The following IRX4 variants were observed in gnomAD, a reference collection of about 807,000 sequenced individuals.
IRX4 encodes iroquois homeobox 4.
In IRX4, 22 loss-of-function variants were observed where a neutral mutation model predicts 32.0. That is an observed-to-expected ratio of 0.69 (90% CI 0.49 to 0.98). The LOEUF is 0.98. Among genes scored for constraint, IRX4 ranks in the 50% least tolerant of loss-of-function variants. The pLI, the probability that IRX4 is intolerant of heterozygous loss-of-function variation, is 0.00. For synonymous variants in IRX4, 379 were observed against 351.7 expected (o/e 1.08, Z -0.87); for missense variants, 840 against 744.2 (o/e 1.13, Z -1.50).
chr5:1,885,009 C>A (rs1735583069), upstream of IRX4, among the ~76,000 whole-genome samples: 1 of 152,238 alleles, frequency 6.6e-6, no homozygotes, highest in African/African-American at 2.4e-5. Context: ...GGAGTAGAGA[C>A]CCCCAGAGGG....
rs538375522 is a variant in IRX4 at position 1,881,971 on chromosome 5, G to C, written c.134C>G (p.Ala45Gly). The C allele has an allele frequency of 1.6e-4, 242 of 1,555,838 alleles. 4 individuals are homozygous for C. In the South Asian group the frequency reaches 2.6e-3, roughly 17 times the overall value. Residue 45 changes from alanine (A) to glycine (G), a missense_variant, in exon 2 of 5, where the codon GCG becomes GGG. Ala to Gly is a moderately conservative substitution (Grantham distance 60). This residue lies in a region of IRX4 where 241 missense variants were observed against 220.8 expected (regional missense o/e 1.09). Transcript: ENST00000231357. ...ADSGPAASAQAPVYCPVYESR... is the reference protein window; with the variant it reads ...ADSGPAASAQGPVYCPVYESR... Reference sequence around the variant, plus strand: ...CTCGTAGACCGGGCAGTAGACCGGCGCCTGGGCCGAGGCGGCGGGCCCGGA... The same window carrying C: ...CTCGTAGACCGGGCAGTAGACCGGCCCCTGGGCCGAGGCGGCGGGCCCGGA...
chr5:1,881,880 A>C lies in IRX4; in HGVS notation c.225T>G (p.Gly75=). 2 of 1,584,854 alleles carry C rather than the reference A, an allele frequency of 1.3e-6. No individual in the cohort carries two copies. Among genetic ancestry groups the C allele is most frequent in the Non-Finnish European group, 8.6e-7 (1 of 1,166,216 alleles). ...CATAGCCCTGCGATCCGCCATAGGG[A>C]CCCCCATAGACGCCCAGCGCCGCGG... ...NSAAALGVYG[G]PYGGSQGYGN... Residue 75 remains glycine (G), a synonymous_variant, in exon 2 of 5, where the codon GGT becomes GGG. Coordinates refer to ENST00000231357, the MANE Select transcript of IRX4 (RefSeq NM_016358.3).
chr5:1,883,875 C>T (rs942955184), upstream of IRX4: 1 of 152,264 alleles, frequency 6.6e-6, no homozygotes, highest in African/African-American at 2.4e-5. Context: ...GCCCCGGCCC[C>T]TCCCGCTAAG....
upstream of IRX4, chr5:1,887,134 G>C (rs1351291567): frequency 6.6e-6 from 1 of 151,598 alleles, no homozygotes; most frequent in Non-Finnish European, 1.5e-5. Context: ...GCGCTCCAGC[G>C]GGGAGCCGGC....
chr5:1,877,785 G>A lies in IRX4; in HGVS notation c.*184C>T. ...CGGTCAGGCTCAGGCCCAGGCGGTG[G>A]AGGCCCCGGCGTGGCAGCGCCGGGC... On this transcript the variant is annotated 3_prime_UTR_variant, in exon 5 of 5. Coordinates refer to ENST00000231357, the MANE Select transcript of IRX4 (RefSeq NM_016358.3). 1 of 600,158 alleles carries A rather than the reference G, an allele frequency of 1.7e-6. No individual in the cohort carries two copies. The highest frequency in any genetic ancestry group is 2.8e-6 in the Non-Finnish European group (1 of 360,546). The allele number at this position is 600,158 out of a possible 1,614,324, so 37.2% of individuals were successfully genotyped here.
At chr5:1,880,212 T>C in intron 3 of IRX4, 6 of 1,266,212 alleles carry the variant, frequency 4.7e-6, no homozygotes, top group South Asian at 1.3e-5. Flanking sequence ...GCAGGAAGGG[T>C]CATTACTGCC....
chr5:1,879,945 C>T, intron 3 of IRX4, 113 bp from the exon 4 acceptor site: 2 of 1,527,060 alleles, frequency 1.3e-6, no homozygotes, highest in Non-Finnish European at 1.8e-6. Flanking sequence ...GCTTCCCCGT[C>T]GTGGGGTTGT....
chr5:1,877,760 C>G lies in IRX4; in HGVS notation c.*209G>C, dbSNP rs1320183774. On this transcript the variant is annotated 3_prime_UTR_variant, in exon 5 of 5. Coordinates refer to ENST00000231357, the MANE Select transcript of IRX4 (RefSeq NM_016358.3). ...CCGCGTCCCAAATTTGGGAATGGCC[C>G]GGTCAGGCTCAGGCCCAGGCGGTGG... The G allele has an allele frequency of 4.4e-5, 24 of 540,418 alleles. No homozygotes were observed. The highest frequency in any genetic ancestry group is 6.7e-5 in the Non-Finnish European group (21 of 314,086). The allele number at this position is 540,418 out of a possible 1,614,324, so 33.5% of individuals were successfully genotyped here.
At chr5:1,885,643 T>G (rs1735604993), upstream of IRX4, among the ~76,000 whole-genome samples, 1 of 151,928 alleles carries the variant, frequency 6.6e-6, no homozygotes, top group Non-Finnish European at 1.5e-5. Flanking sequence ...GGACACAGGG[T>G]CAATCCAGCC....
chr5:1,884,690 C>T (rs964733594), upstream of IRX4: 1 of 152,266 alleles, frequency 6.6e-6, no homozygotes, highest in Non-Finnish European at 1.5e-5. Flanking sequence ...CGGCAGGCCG[C>T]GTTTCTTTCT....
chr5:1,879,579 A>AG lies in IRX4; in HGVS notation c.660dup (p.Tyr221LeufsTer38). 1 of 1,613,760 alleles carries AG rather than the reference A, an allele frequency of 6.2e-7. No individual in the cohort carries two copies. The highest frequency in any genetic ancestry group is 8.5e-7 in the Non-Finnish European group (1 of 1,180,016). ...CCCTCCTCCTCCTCGCCCTCCGCGTAGGGCCGCTTCTCGTCTGCGCACTTG... is the reference window on the plus strand; with the variant it reads ...CCCTCCTCCTCCTCGCCCTCCGCGTAGGGGCCGCTTCTCGTCTGCGCACTTG... On this transcript the variant is annotated frameshift_variant, in exon 4 of 5. Coordinates refer to ENST00000231357, the MANE Select transcript of IRX4 (RefSeq NM_016358.3). LOFTEE classifies it high-confidence loss of function.
chr5:1,878,995 A>AT lies in IRX4; in HGVS notation c.737-204dup, dbSNP rs546723700. Among the ~76,000 whole-genome samples the AT allele has an allele frequency of 0.25, 36,393 of 145,074 alleles. 4,632 individuals are homozygous for AT. Among genetic ancestry groups the AT allele is most frequent in the East Asian group, 0.31 (1,491 of 4,882 alleles). ...CTCCAATGGGGGAGGGGGGTGTCTA[A>AT]TTTTTTTTTTTTTTGAGACGGAGTC... On this transcript the variant is annotated intron_variant, in intron 4 of 4. Coordinates refer to ENST00000231357, the MANE Select transcript of IRX4 (RefSeq NM_016358.3).
chr5:1,878,502 C>T lies in IRX4; in HGVS notation c.1027G>A (p.Gly343Ser), dbSNP rs780523966. 35 of 1,434,262 alleles carry T rather than the reference C, an allele frequency of 2.4e-5. No individual in the cohort carries two copies. The South Asian group carries it at 5.1e-4, about 21-fold the overall frequency. 88.8% of individuals were successfully genotyped at this position (1,434,262 alleles called of 1,614,324 possible). A position where few individuals can be genotyped will look rare whatever the true frequency, so the allele number is the denominator to read the frequency against. The change falls in exon 5 of 5, where the codon GGC becomes AGC. Residue 343 changes from glycine to serine, a missense_variant. Physicochemically the swap from Gly to Ser is moderately conservative, Grantham distance 56. Around this residue, in one of 3 missense-constraint regions of IRX4, gnomAD observed 585 missense variants for 488.0 expected, o/e 1.20. Coordinates refer to ENST00000231357, the MANE Select transcript of IRX4 (RefSeq NM_016358.3). ...AGCTTGGCCTCGCAGACCTGAGGGC[C>T]GCCCTCTGCGCCCGGCAGTGGCTCC... ...GPEPLPGAEG[G>S]PQVCEAKLGF...
At position 1,877,992 on chromosome 5, in the gene IRX4, C is replaced by G; in HGVS notation, c.1537G>C (p.Gly513Arg). The G allele has an allele frequency of 6.7e-7, 1 of 1,501,742 alleles. No individual in the cohort carries two copies. Among genetic ancestry groups the G allele is most frequent in the Non-Finnish European group, 8.8e-7 (1 of 1,130,924 alleles). The allele number at this position is 1,501,742 out of a possible 1,614,324, so 93.0% of individuals were successfully genotyped here. A position where few individuals can be genotyped will look rare whatever the true frequency, so the allele number is the denominator to read the frequency against. The change falls in exon 5 of 5, where the codon GGC (glycine) becomes CGC (arginine). Residue 513 changes from glycine to arginine, a missense_variant. Gly to Arg is a moderately radical substitution (Grantham distance 125). Coordinates refer to ENST00000231357, the MANE Select transcript of IRX4 (RefSeq NM_016358.3). ...CCTCAGGCGCAGAAGGGTTTGCCGC[C>G]GGCCTTGGGCAGGGCGAGCAGCTCC... ...ARELLALPKA[G>R]GKPFCA
chr5:1,882,184 C>A, intron 1 of IRX4, 125 bp from the exon 2 acceptor site: 2 of 1,158,458 alleles, frequency 1.7e-6, no homozygotes, highest in South Asian at 3.2e-5. Flanking sequence ...CCGCCGTCCA[C>A]ACCAGGATGC....
In IRX4 at chr5:1,877,949, G is replaced by C. The variant is rs968404112; in HGVS notation, c.*20C>G. The stretch of plus-strand genomic sequence containing the variant: ...TCCGCCTGAGCGCGGGTTCCCTCCT[G>C]GGCTCGGGACCCGCCCGCCTCAGGC... On this transcript the variant is annotated 3_prime_UTR_variant, in exon 5 of 5. Transcript: ENST00000231357. 6 of 1,494,296 alleles carry C rather than the reference G, an allele frequency of 4.0e-6. No individual in the cohort carries two copies. In the African/African-American group the frequency reaches 8.6e-5, roughly 22 times the overall value. The allele number at this position is 1,494,296 out of a possible 1,614,324, so 92.6% of individuals were successfully genotyped here. A position where few individuals can be genotyped will look rare whatever the true frequency, so the allele number is the denominator to read the frequency against.
rs11957344 is a variant in IRX4, at chr5:1,882,838, C to A, written c.-191G>T. On this transcript the variant is annotated 5_prime_UTR_variant, in exon 1 of 5. Coordinates refer to ENST00000231357, the MANE Select transcript of IRX4 (RefSeq NM_016358.3). ...TAACAAAGTGAGCAGCGGTGGCCGC[C>A]GCGATTCCTTTAACTTCGCATTCCG... 0.24 allele frequency: 96,599 copies of A among 400,110 alleles called. 12,061 individuals carry two copies. The highest frequency in any genetic ancestry group is 0.36 in the East Asian group (9,812 of 27,582). The allele number at this position is 400,110 out of a possible 1,614,324, so 24.8% of individuals were successfully genotyped here. A position where few individuals can be genotyped will look rare whatever the true frequency, so the allele number is the denominator to read the frequency against.
At position 1,877,777 on chromosome 5, in the gene IRX4, A is replaced by C. The variant is rs1212260662; in HGVS notation, c.*192T>G. 8 of 581,582 alleles carry C rather than the reference A, an allele frequency of 1.4e-5. No individual in the cohort carries two copies. The highest frequency in any genetic ancestry group is 2.3e-5 in the Non-Finnish European group (8 of 344,162). 36.0% of individuals were successfully genotyped at this position (581,582 alleles called of 1,614,324 possible). On this transcript the variant is annotated 3_prime_UTR_variant, in exon 5 of 5. Coordinates refer to ENST00000231357, the MANE Select transcript of IRX4 (RefSeq NM_016358.3). ...GAATGGCCCGGTCAGGCTCAGGCCC[A>C]GGCGGTGGAGGCCCCGGCGTGGCAG... is the stretch of plus-strand genomic sequence containing the variant.
At position 1,881,798 on chromosome 5, in the gene IRX4, C is replaced by A. The variant is rs768204022; in HGVS notation, c.297+10G>T. ...AGGGGCAGGGCAAGGGCTAGGGATG[C>A]CCCACTTACCAGCGAGTAGAAGGCG... is the stretch of plus-strand genomic sequence containing the variant. On this transcript the variant is annotated intron_variant, in intron 2 of 4. Coordinates refer to ENST00000231357, the MANE Select transcript of IRX4 (RefSeq NM_016358.3). The A allele has an allele frequency of 3.8e-6, 6 of 1,568,114 alleles. No homozygotes were observed. The South Asian group carries it at 7.0e-5, about 18-fold the overall frequency.
Sources: gnomAD v4.1 joint callset for allele counts (sites outside exome capture counted in the v4.1 genomes callset) on GRCh38, gnomAD v4.1.1 for gene constraint, gnomAD v4.1.1 regional missense constraint, MANE v1.5 for transcripts, NCBI Gene and HGNC (gene_info 2026-07-23, HGNC 2026-07-21) for gene names.